MAP3K7CL: variants seen among roughly 807,000 people sequenced by gnomAD.
MAP3K7CL encodes the protein MAP3K7 C-terminal like.
MAP3K7CL carries 16 observed loss-of-function variants against 18.6 expected under a neutral mutation model. The observed-to-expected ratio is 0.86, with a 90% confidence interval of 0.58 to 1.31. MAP3K7CL has a LOEUF of 1.31. Among genes scored for constraint, MAP3K7CL ranks in the 50% most tolerant of loss-of-function variants. The pLI, the probability that MAP3K7CL is intolerant of heterozygous loss-of-function variation, is 0.00. For synonymous variants in MAP3K7CL, 65 were observed against 66.8 expected (o/e 0.97, Z 0.13); for missense variants, 163 against 174.4 (o/e 0.93, Z 0.37).
intron 4 of MAP3K7CL, among the ~76,000 whole-genome samples, chr21:29,163,573 A>G (rs978595488): frequency 6.6e-6 from 1 of 151,578 alleles, no homozygotes; most frequent in Non-Finnish European, 1.5e-5. Flanking sequence ...AGAACTTCCA[A>G]TCTCATCCCT....
chr21:29,101,198 A>G (rs2146530754), intron 4 of MAP3K7CL, among the ~76,000 whole-genome samples: 1 of 152,262 alleles, frequency 6.6e-6, no homozygotes, highest in South Asian at 2.1e-4. Context: ...GCTGCATGAT[A>G]GGTCATGCAA....
In MAP3K7CL at chr21:29,133,330, G is replaced by A. The variant is rs1359311069; in HGVS notation, c.-15G>A. On this transcript the variant is annotated 5_prime_UTR_variant, in exon 2 of 5. Coordinates refer to ENST00000399928, the MANE Select transcript of MAP3K7CL (RefSeq NM_001286620.2). ...GCTGGAAGACCCAGGAGAAGGCGGA[G>A]GCTCAGGTGCCCACATGATCAGCAC... 1.9e-6 allele frequency: 3 copies of A among 1,550,426 alleles called. No individual in the cohort carries two copies. Among genetic ancestry groups the A allele is most frequent in the South Asian group, 2.4e-5 (2 of 84,038 alleles).
At chr21:29,173,947 G>GC (rs2087905085) in intron 4 of MAP3K7CL, among the ~76,000 whole-genome samples, 1 of 152,152 alleles carries the variant, frequency 6.6e-6, no homozygotes, top group Non-Finnish European at 1.5e-5. Flanking sequence ...AGAGATATTT[G>GC]CCTAGGTATC....
chr21:29,131,072 T>C (rs1048665289), intron 1 of MAP3K7CL, 149 bp downstream of exon 1: 2 of 251,942 alleles, frequency 7.9e-6, no homozygotes, highest in South Asian at 3.0e-4. Flanking sequence ...TAGGGGCATT[T>C]GTGGTCAACA....
chr21:29,108,260 T>A (rs2086358886), intron 4 of MAP3K7CL, among the ~76,000 whole-genome samples: 2 of 152,044 alleles, frequency 1.3e-5, no homozygotes, highest in African/African-American at 4.8e-5. Context: ...GCCCCCTCTC[T>A]CCATGCGCAC....
chr21:29,160,761 T>C (rs1300811885), intron 4 of MAP3K7CL, among the ~76,000 whole-genome samples: 2 of 152,208 alleles, frequency 1.3e-5, no homozygotes, highest in Admixed American at 6.5e-5. Context: ...TAGGATCTTT[T>C]GATTAGATCT....
intron 4 of MAP3K7CL, chr21:29,109,363 A>T (rs1421313969): frequency 1.5e-6 from 2 of 1,372,944 alleles, no homozygotes; most frequent in Admixed American, 6.1e-5. Flanking sequence ...TAATAGAAAG[A>T]TAGATCAACT....
upstream of MAP3K7CL, among the ~76,000 whole-genome samples, chr21:29,129,807 C>T (rs2086745941): frequency 6.6e-6 from 1 of 152,218 alleles, no homozygotes; most frequent in African/African-American, 2.4e-5. Flanking sequence ...CACAGCCTCA[C>T]CAACATTTGA....
chr21:29,153,548 A>AGGTG (rs2087327515), intron 3 of MAP3K7CL, among the ~76,000 whole-genome samples: 1 of 152,176 alleles, frequency 6.6e-6, no homozygotes, highest in Non-Finnish European at 1.5e-5. Context: ...CCCCAAGCTC[A>AGGTG]GGTGATCCTC....
At chr21:29,100,699 ACTT>A (rs1376553765) in intron 4 of MAP3K7CL, among the ~76,000 whole-genome samples, 20 of 133,234 alleles carry the variant, frequency 1.5e-4, no homozygotes, top group African/African-American at 5.5e-4. Flanking sequence ...AAAACAGCAA[ACTT>A]TTTTTTTTTT....
At chr21:29,099,386 T>C (rs927802639) in intron 4 of MAP3K7CL, among the ~76,000 whole-genome samples, 1 of 150,902 alleles carries the variant, frequency 6.6e-6, no homozygotes, top group Non-Finnish European at 1.5e-5. Flanking sequence ...ATTACAGGCA[T>C]GAGCCACTGC....
Position 29,159,957 on chromosome 21 carries a change from A to G in MAP3K7CL, c.149A>G (p.His50Arg), listed in dbSNP as rs755435248. Reference sequence around the variant, plus strand: ...TTTGTGAAGCCCCTGCCGCCTTGTCATGACTCCGAGGAATCCATGGAGGTG... The same window carrying G: ...TTTGTGAAGCCCCTGCCGCCTTGTCGTGACTCCGAGGAATCCATGGAGGTG... ...DQQLQPLPPC[H>R]DSEESMEVFK... Residue 50 changes from histidine (H) to arginine (R), a missense_variant, in exon 4 of 5, where the codon CAT becomes CGT. Physicochemically the swap from His to Arg is conservative, Grantham distance 29. Coordinates refer to ENST00000399928, the MANE Select transcript of MAP3K7CL (RefSeq NM_001286620.2). The G allele has an allele frequency of 3.1e-6, 5 of 1,613,746 alleles. No individual in the cohort carries two copies. Among genetic ancestry groups the G allele is most frequent in the South Asian group, 2.2e-5 (2 of 91,052 alleles).
At chr21:29,120,201 A>G (rs2086569175) in intron 4 of MAP3K7CL, among the ~76,000 whole-genome samples, 1 of 150,674 alleles carries the variant, frequency 6.6e-6, no homozygotes, top group Admixed American at 6.6e-5. Context: ...TTTTTGAGAC[A>G]GAGTCCTGCA....
chr21:29,113,905 G>A (rs2086462104), intron 4 of MAP3K7CL, among the ~76,000 whole-genome samples: 1 of 152,146 alleles, frequency 6.6e-6, no homozygotes, highest in Non-Finnish European at 1.5e-5. Context: ...CACTGGGCGA[G>A]GGCATTTGGC....
intron 4 of MAP3K7CL, among the ~76,000 whole-genome samples, chr21:29,119,063 TC>T (rs1238128469): frequency 2.6e-5 from 4 of 152,188 alleles, no homozygotes; most frequent in Non-Finnish European, 5.9e-5. Flanking sequence ...TATTGGCTTC[TC>T]CCCATGGAGG....
At chr21:29,092,658 T>G (rs1415921483) in intron 4 of MAP3K7CL, 1 of 1,556,584 alleles carries the variant, frequency 6.4e-7, no homozygotes, top group African/African-American at 1.4e-5. Flanking sequence ...AGCCTAAGGC[T>G]GGTTGGGCAG....
chr21:29,102,901 GTAAA>G (rs2086258341), intron 4 of MAP3K7CL, among the ~76,000 whole-genome samples: 1 of 152,114 alleles, frequency 6.6e-6, no homozygotes, highest in South Asian at 2.1e-4. Flanking sequence ...TAACAGCCAT[GTAAA>G]TGAGTCATCT....
chr21:29,150,012 C>CA (rs1330156675), intron 3 of MAP3K7CL, among the ~76,000 whole-genome samples: 6 of 152,188 alleles, frequency 3.9e-5, no homozygotes, highest in African/African-American at 1.4e-4. Context: ...ATCCTGTACA[C>CA]AGACATTTCT....
chr21:29,123,649 T>G (rs1198888472), intron 4 of MAP3K7CL, among the ~76,000 whole-genome samples: 1 of 152,188 alleles, frequency 6.6e-6, no homozygotes, highest in Non-Finnish European at 1.5e-5. Flanking sequence ...GATTAAAAAT[T>G]TAAAAATTAA....
Sources: allele counts gnomAD v4.1 joint callset (sites outside exome capture counted in the v4.1 genomes callset), GRCh38; gene constraint gnomAD v4.1.1; transcripts MANE v1.5; gene names NCBI Gene and HGNC (gene_info 2026-07-23, HGNC 2026-07-21).